The following SHISA9 variants were observed in gnomAD, a reference collection of about 807,000 sequenced individuals.
SHISA9 encodes the protein protein shisa-9.
In SHISA9, 13 loss-of-function variants were observed where a neutral mutation model predicts 38.0. The ratio of observed to expected loss-of-function variants is 0.34; its 90% confidence interval spans 0.22 to 0.54. The LOEUF is 0.54. Among genes scored for constraint, SHISA9 ranks in the 20% least tolerant of loss-of-function variants. The pLI is 0.91. For missense variants in SHISA9, 538 were observed against 575.8 expected (o/e 0.93, Z 0.67); for synonymous variants, 275 against 242.0 (o/e 1.14, Z -1.27).
At chr16:13,210,522 A>G (rs149928571) in intron 3 of SHISA9, among the ~76,000 whole-genome samples, 1,613 of 152,370 alleles carry the variant, frequency 0.011, 15 homozygotes, top group Non-Finnish European at 0.014. Flanking sequence ...ATTTTCCAAT[A>G]GCACTTTTTG....
At chr16:13,523,632 C>G in the SHISA9 span, among the ~76,000 whole-genome samples, 1 of 152,112 alleles carries the variant, frequency 6.6e-6, no homozygotes, top group Non-Finnish European at 1.5e-5. Context: ...GGGGGAGGTG[C>G]TACACACTTT....
At chr16:12,999,705 G>C (rs956989240) in intron 2 of SHISA9, among the ~76,000 whole-genome samples, 1 of 152,184 alleles carries the variant, frequency 6.6e-6, no homozygotes, top group African/African-American at 2.4e-5. Context: ...ACCAGGGTGA[G>C]TTTATGGTGA....
At chr16:13,289,230 A>C in the SHISA9 span, among the ~76,000 whole-genome samples, 17 of 152,212 alleles carry the variant, frequency 1.1e-4, no homozygotes, top group African/African-American at 4.1e-4. Context: ...CTTGTCTATC[A>C]TATTCCCATG....
At chr16:13,209,514 C>G (rs2051098209) in intron 3 of SHISA9, among the ~76,000 whole-genome samples, 2 of 152,356 alleles carry the variant, frequency 1.3e-5, no homozygotes, top group Non-Finnish European at 2.9e-5. Context: ...CATATAGATA[C>G]TGTAATGTTA....
chr16:13,197,128 CACACACACAT>C (rs1166470387), intron 2 of SHISA9, among the ~76,000 whole-genome samples: 3 of 141,808 alleles, frequency 2.1e-5, no homozygotes, highest in South Asian at 5.2e-4. Flanking sequence ...CACACACACA[CACACACACAT>C]ATATGTGTAT....
In SHISA9 at chr16:13,236,726, CAG is replaced by C. The variant is rs1884612744; in HGVS notation, c.*1318_*1319del. The C allele has an allele frequency of 1.3e-5, 2 of 152,164 alleles. No individual in the cohort carries two copies. The highest frequency in any genetic ancestry group is 1.9e-4 in the East Asian group (1 of 5,180). 9.4% of individuals were successfully genotyped at this position (152,164 alleles called of 1,614,324 possible). A position where few individuals can be genotyped will look rare whatever the true frequency, so the allele number is the denominator to read the frequency against. ...ACCCTCTGAGGGGCTGCTACAATGTCAGGGGTACCCAAGAACGAAGACCTCCC... is the reference window on the plus strand; with the variant it reads ...ACCCTCTGAGGGGCTGCTACAATGTCGGGTACCCAAGAACGAAGACCTCCC... On this transcript the variant is annotated 3_prime_UTR_variant, in exon 5 of 5. Coordinates refer to ENST00000558583, the MANE Select transcript of SHISA9 (RefSeq NM_001145204.3).
At chr16:13,233,726 C>T (rs931703966) in intron 4 of SHISA9, among the ~76,000 whole-genome samples, 1 of 152,196 alleles carries the variant, frequency 6.6e-6, no homozygotes, top group Non-Finnish European at 1.5e-5. Context: ...ATTAAGAAAA[C>T]AGGCCTGGTG....
At chr16:13,512,971 A>G in the SHISA9 span, among the ~76,000 whole-genome samples, 15 of 152,216 alleles carry the variant, frequency 9.9e-5, no homozygotes, top group African/African-American at 3.1e-4. Context: ...TAATGAAAAC[A>G]CCAAAAGCAA....
At chr16:12,907,093 CTTCCTTAT>C (rs1390589511) in intron 1 of SHISA9, among the ~76,000 whole-genome samples, 2 of 125,552 alleles carry the variant, frequency 1.6e-5, no homozygotes, top group Non-Finnish European at 3.3e-5. Context: ...TTTTTCCTTC[CTTCCTTAT>C]TTCCTTCCTT....
intron 2 of SHISA9, among the ~76,000 whole-genome samples, chr16:13,114,267 C>A (rs2074007773): frequency 6.6e-6 from 1 of 151,784 alleles, no homozygotes; most frequent in African/African-American, 2.4e-5. Flanking sequence ...GAGATCGAGA[C>A]CATCCTGGCT....
chr16:13,468,956 A>G, the SHISA9 span, among the ~76,000 whole-genome samples: 1 of 151,816 alleles, frequency 6.6e-6, no homozygotes, highest in African/African-American at 2.4e-5. Flanking sequence ...CAACAACAAA[A>G]AAGAGGCTGG....
chr16:13,018,401 C>T (rs190706931), intron 2 of SHISA9, among the ~76,000 whole-genome samples: 1 of 152,190 alleles, frequency 6.6e-6, no homozygotes, highest in Non-Finnish European at 1.5e-5. Flanking sequence ...TGCCTGTTTC[C>T]TTTCTGTTCT....
chr16:13,079,186 T>C (rs917862752), intron 2 of SHISA9, among the ~76,000 whole-genome samples: 1 of 152,192 alleles, frequency 6.6e-6, no homozygotes, highest in African/African-American at 2.4e-5. Flanking sequence ...ATCAATGCCA[T>C]GATATGTAGT....
rs112879125 is a variant in SHISA9, at chr16:13,137,220, G to C, written c.692-66174G>C. Among the ~76,000 whole-genome samples the C allele has an allele frequency of 4.0e-3, 616 of 152,246 alleles. 6 individuals carry two copies. The highest frequency in any genetic ancestry group is 0.014 in the African/African-American group (573 of 41,540). The stretch of plus-strand genomic sequence containing the variant: ...TATATTTGTTGGCTCTGAAATGGGA[G>C]GCAGATAGTGGAATCCATAATAGAT... On this transcript the variant is annotated intron_variant, in intron 2 of 4. Coordinates refer to ENST00000558583, the MANE Select transcript of SHISA9 (RefSeq NM_001145204.3).
At chr16:13,253,559 G>A in the SHISA9 span, among the ~76,000 whole-genome samples, 3 of 152,190 alleles carry the variant, frequency 2.0e-5, no homozygotes, top group Non-Finnish European at 2.9e-5. Flanking sequence ...ATTGTGGCAG[G>A]CAAGAGAGCT....
At chr16:13,258,881 G>A in the SHISA9 span, among the ~76,000 whole-genome samples, 1 of 152,066 alleles carries the variant, frequency 6.6e-6, no homozygotes, top group South Asian at 2.1e-4. Flanking sequence ...TTAAGATTTG[G>A]GTGGGGACAC....
the SHISA9 span, among the ~76,000 whole-genome samples, chr16:13,509,314 G>C: frequency 6.6e-6 from 1 of 151,940 alleles, no homozygotes; most frequent in Non-Finnish European, 1.5e-5. Context: ...GGCATATTAA[G>C]AGTTATGATG....
At chr16:13,228,440 G>T (rs564830743) in intron 4 of SHISA9, among the ~76,000 whole-genome samples, 13 of 152,308 alleles carry the variant, frequency 8.5e-5, no homozygotes, top group African/African-American at 2.4e-4. Context: ...AAGCTGCTGG[G>T]ATGCTTAACT....
the SHISA9 span, among the ~76,000 whole-genome samples, chr16:13,556,438 A>C: frequency 6.6e-6 from 1 of 152,106 alleles, no homozygotes; most frequent in African/African-American, 2.4e-5. Context: ...AGGCGGGCGG[A>C]TCACGAGGTC....
Sources: allele counts gnomAD v4.1 joint callset (sites outside exome capture counted in the v4.1 genomes callset), GRCh38; gene constraint gnomAD v4.1.1; transcripts MANE v1.5; gene names NCBI Gene and HGNC (gene_info 2026-07-23, HGNC 2026-07-21).